The following RBPJ variants were observed in gnomAD, a reference collection of about 807,000 sequenced individuals.
RBPJ encodes the protein recombination signal binding protein for immunoglobulin kappa J region, also known as recombining binding protein suppressor of hairless.
In RBPJ, 9 loss-of-function variants were observed where a neutral mutation model predicts 67.8. The observed-to-expected ratio is 0.13, with a 90% confidence interval of 0.08 to 0.23. The LOEUF is 0.23. Ranked by LOEUF, RBPJ falls within the 10% of genes least tolerant of loss-of-function variation. RBPJ has a pLI of 1.00. For missense variants in RBPJ, 305 were observed against 595.6 expected (o/e 0.51, Z 5.08); for synonymous variants, 198 against 203.3 (o/e 0.97, Z 0.22).
rs1720873095 is a variant in RBPJ at position 26,270,432 on chromosome 4, A to AGAAG, written c.-166-92011_-166-92010insGGAA. On this transcript the variant is annotated intron_variant, in intron 1 of 4. Transcript: ENST00000512351. ...AAGAAAGAAAGAAAGAAAGAAAGAA[A>AGAAG]GAAAGAAGAAAGAAAGAAAGAAAGA... Among the ~76,000 whole-genome samples, 4 of 63,326 alleles carry AGAAG rather than the reference A, an allele frequency of 6.3e-5. 1 individual carries two copies. In the South Asian group the frequency reaches 2.1e-3, roughly 33 times the overall value. 41.5% of individuals were successfully genotyped at this position (63,326 alleles called of 152,430 possible).
chr4:26,349,789 G>A (rs1726605844), intron 1 of RBPJ, among the ~76,000 whole-genome samples: 1 of 152,160 alleles, frequency 6.6e-6, no homozygotes, highest in Non-Finnish European at 1.5e-5. Context: ...ATGATGTATT[G>A]TTTTATAAAA....
intron 1 of RBPJ, among the ~76,000 whole-genome samples, chr4:26,256,947 C>T (rs748473204): frequency 2.7e-4 from 41 of 152,140 alleles, no homozygotes; most frequent in Admixed American, 7.2e-4. Context: ...TCACTCTATG[C>T]GTTTATGAGA....
At chr4:26,316,827 C>CTA (rs1722664637), upstream of RBPJ, among the ~76,000 whole-genome samples, 1 of 71,396 alleles carries the variant, frequency 1.4e-5, no homozygotes, top group Non-Finnish European at 2.6e-5. Context: ...ACCCAGACGA[C>CTA]TTTTTTTTTT....
intron 1 of RBPJ, among the ~76,000 whole-genome samples, chr4:26,384,987 CT>C (rs1168228893): frequency 1.1e-5 from 1 of 93,452 alleles, no homozygotes; most frequent in African/African-American, 4.4e-5. Context: ...CTCTCCTCCC[CT>C]CTCCCCTCTC....
At chr4:26,292,967 T>G (rs760276928) in intron 1 of RBPJ, among the ~76,000 whole-genome samples, 7 of 150,714 alleles carry the variant, frequency 4.6e-5, no homozygotes, top group Non-Finnish European at 1.0e-4. Context: ...CCTTCTGATG[T>G]TATACCCAGA....
chr4:26,218,853 T>C (rs1718807815), intron 1 of RBPJ, among the ~76,000 whole-genome samples: 1 of 152,054 alleles, frequency 6.6e-6, no homozygotes, highest in Non-Finnish European at 1.5e-5. Context: ...GCCAGGGCCC[T>C]AACGAGAAAC....
At chr4:26,269,159 C>T (rs1335832052) in intron 1 of RBPJ, among the ~76,000 whole-genome samples, 2 of 151,986 alleles carry the variant, frequency 1.3e-5, no homozygotes, top group Non-Finnish European at 2.9e-5. Flanking sequence ...GAGCCCATCA[C>T]TCATTCAGGC....
intron 1 of RBPJ, among the ~76,000 whole-genome samples, chr4:26,294,949 T>G (rs1396670127): frequency 6.6e-6 from 1 of 152,016 alleles, no homozygotes; most frequent in African/African-American, 2.4e-5. Context: ...CCGGGTTGGA[T>G]AGGGCTGATG....
chr4:26,222,534 G>T (rs1482738074), intron 1 of RBPJ, among the ~76,000 whole-genome samples: 1 of 147,232 alleles, frequency 6.8e-6, no homozygotes, highest in Non-Finnish European at 1.5e-5. Context: ...TTAAGGTGAT[G>T]AGTTTTCCAG....
chr4:26,244,248 TAC>T lies in RBPJ; in HGVS notation c.-167+80638_-167+80639del, dbSNP rs1448041590. 1.7e-4 allele frequency among the ~76,000 whole-genome samples: 3 copies of T among 17,604 alleles called. 1 individual carries two copies. The allele number at this position is 17,604 out of a possible 152,430, so 11.5% of individuals were successfully genotyped here. A position where few individuals can be genotyped will look rare whatever the true frequency, so the allele number is the denominator to read the frequency against. On this transcript the variant is annotated intron_variant, in intron 1 of 4. Transcript: ENST00000512351. ...ACACATATATGTGTCTATATATGTGTACACATACACATATGTGTACACATATA... is the reference window on the plus strand; with the variant it reads ...ACACATATATGTGTCTATATATGTGTACATACACATATGTGTACACATATA...
chr4:26,337,064 C>A (rs1404263006), intron 1 of RBPJ, among the ~76,000 whole-genome samples: 2 of 151,974 alleles, frequency 1.3e-5, no homozygotes, highest in African/African-American at 4.8e-5. Context: ...CGGGTTCAAG[C>A]GATTCTCCCG....
chr4:26,430,371 T>C lies in RBPJ; in HGVS notation c.1045-48T>C, dbSNP rs777690290. ...TGAGAATCTAATTTGTGTACTTTAA[T>C]GAAAAATGAAAAGTTTTCTCAGTGT... On this transcript the variant is annotated intron_variant, in intron 9 of 10. Transcript: ENST00000355476. This position sits in a 1 kb window ranked among gnomAD's most constrained non-coding sequence, Gnocchi z 4.1. 13 of 1,456,630 alleles carry C rather than the reference T, an allele frequency of 8.9e-6. No individual in the cohort carries two copies. The highest frequency in any genetic ancestry group is 1.7e-5 in the Admixed American group (1 of 58,144). The allele number at this position is 1,456,630 out of a possible 1,614,324, so 90.2% of individuals were successfully genotyped here.
At chr4:26,169,252 G>T (rs1334933653) in intron 1 of RBPJ, among the ~76,000 whole-genome samples, 2 of 152,112 alleles carry the variant, frequency 1.3e-5, no homozygotes, top group African/African-American at 4.8e-5. Context: ...GGTTTTTGGT[G>T]TGGATGTCCT....
intron 1 of RBPJ, among the ~76,000 whole-genome samples, chr4:26,218,441 C>A (rs1718789504): frequency 6.6e-6 from 1 of 152,110 alleles, no homozygotes. Flanking sequence ...ATCCCCTCTA[C>A]CCCCCGAAGG....
intron 3 of RBPJ, chr4:26,412,993 T>C (rs1171138251): frequency 6.6e-6 from 1 of 152,178 alleles, no homozygotes; most frequent in Non-Finnish European, 1.5e-5. Context: ...TCAGTGTAAG[T>C]ATACAGGCAT....
At chr4:26,209,851 C>G (rs1020790642) in intron 1 of RBPJ, among the ~76,000 whole-genome samples, 8 of 133,838 alleles carry the variant, frequency 6.0e-5, no homozygotes, top group African/African-American at 1.7e-4. Context: ...TTCCCTCTCT[C>G]CCTCCCTTCC....
chr4:26,361,776 C>T (rs1017734663), intron 1 of RBPJ, among the ~76,000 whole-genome samples: 4 of 152,106 alleles, frequency 2.6e-5, no homozygotes, highest in African/African-American at 9.7e-5. Flanking sequence ...AAATGTGATA[C>T]ATACACTTCT....
chr4:26,315,911 T>C (rs1301053726), upstream of RBPJ, among the ~76,000 whole-genome samples: 1 of 152,146 alleles, frequency 6.6e-6, no homozygotes, highest in Non-Finnish European at 1.5e-5. Flanking sequence ...AAGAAAAATA[T>C]GGCTTTTTTT....
At chr4:26,182,860 C>T (rs1717060776) in intron 1 of RBPJ, among the ~76,000 whole-genome samples, 1 of 152,126 alleles carries the variant, frequency 6.6e-6, no homozygotes, top group South Asian at 2.1e-4. Flanking sequence ...CTCCACAGGG[C>T]CAGGATCATC....
Sources: allele counts gnomAD v4.1 joint callset (sites outside exome capture counted in the v4.1 genomes callset), GRCh38; gene constraint gnomAD v4.1.1; non-coding constraint Gnocchi (gnomAD v3.1); transcripts MANE v1.5; gene names NCBI Gene and HGNC (gene_info 2026-07-23, HGNC 2026-07-21).